The following BLK variants were observed in gnomAD, a reference collection of about 807,000 sequenced individuals.
The protein encoded by BLK is BLK proto-oncogene, Src family tyrosine kinase.
Under a neutral mutation model 61.8 loss-of-function variants are expected in BLK, and 64 were observed. The observed-to-expected ratio is 1.03, with a 90% CI of 0.85 to 1.27. The LOEUF is 1.27. BLK is among the 50% of genes most tolerant of loss of function. BLK has a pLI of 0.00. For missense variants in BLK, 853 were observed against 660.5 expected, an observed-to-expected ratio of 1.29 and a Z score of -3.19; for synonymous variants, 351 against 272.0, an observed-to-expected ratio of 1.29 and a Z score of -2.86.
chr8:11,561,915 T>C (rs1275487206), intron 11 of BLK, among the ~76,000 whole-genome samples: 1 of 151,152 alleles, frequency 6.6e-6, no homozygotes, highest in East Asian at 1.9e-4. Flanking sequence ...GCCTCCTGGG[T>C]TCAAGCAATT....
chr8:11,496,219 G>C (rs1798353341), intron 1 of BLK, among the ~76,000 whole-genome samples: 1 of 152,004 alleles, frequency 6.6e-6, no homozygotes, highest in Non-Finnish European at 1.5e-5. Context: ...AATGGGTTTT[G>C]TGGGGGTTGT....
At chr8:11,522,920 A>G (rs1422522888) in intron 1 of BLK, among the ~76,000 whole-genome samples, 2 of 152,230 alleles carry the variant, frequency 1.3e-5, no homozygotes, top group Non-Finnish European at 2.9e-5. Context: ...GGAGAGAAAG[A>G]GAGGAGAAAA....
intron 9 of BLK, 47 bp from the exon 10 acceptor site, chr8:11,557,915 G>C (rs529958932): frequency 6.3e-7 from 1 of 1,579,888 alleles, no homozygotes; most frequent in African/African-American, 1.3e-5. Flanking sequence ...GCACCACCAG[G>C]GGCGGGTCAC....
At chr8:11,548,750 C>T (rs1800763690) in intron 4 of BLK, among the ~76,000 whole-genome samples, 1 of 152,256 alleles carries the variant, frequency 6.6e-6, no homozygotes. Context: ...AAGCTCTGAA[C>T]ACGTCCCATT....
chr8:11,545,863 G>C (rs1463630815), intron 2 of BLK, 189 bp from the exon 3 acceptor site: 1 of 699,752 alleles, frequency 1.4e-6, no homozygotes. Context: ...CAGAGGGCGG[G>C]GGTCTGTCTG....
At position 11,547,631 on chromosome 8, in the gene BLK, A is replaced by G. The variant is rs571114549; in HGVS notation, c.176-401A>G. ...GGGATAGAGGCAGGCGGGGCAGAGG[A>G]GGAAAAGGATAAGAGGAGGCTTATG... On this transcript the variant is annotated intron_variant, in intron 3 of 12. Coordinates refer to ENST00000259089, the MANE Select transcript of BLK (RefSeq NM_001715.3). 3.3e-5 allele frequency among the ~76,000 whole-genome samples: 5 copies of G among 152,162 alleles called. No homozygotes were observed. In the South Asian group the frequency reaches 1.0e-3, roughly 31 times the overall value.
intron 10 of BLK, chr8:11,560,401 GGATGGATGCATGGATA>G (rs1801454452): frequency 1.4e-5 from 3 of 217,140 alleles, no homozygotes; most frequent in East Asian, 1.2e-4. Flanking sequence ...ATGCATGGAT[GGATGGATGCATGGATA>G]GATGGATGGA....
chr8:11,521,282 G>T (rs533290772), intron 1 of BLK, among the ~76,000 whole-genome samples: 42 of 152,200 alleles, frequency 2.8e-4, no homozygotes, highest in Non-Finnish European at 4.9e-4. Context: ...TTTCACCTTT[G>T]ATTTACAATT....
chr8:11,516,169 G>C (rs1040570702), intron 1 of BLK, among the ~76,000 whole-genome samples: 1 of 152,248 alleles, frequency 6.6e-6, no homozygotes, highest in Non-Finnish European at 1.5e-5. Context: ...ACACAAAGGA[G>C]AAACACTGCA....
At chr8:11,510,242 G>A (rs560733547) in intron 1 of BLK, among the ~76,000 whole-genome samples, 30 of 152,276 alleles carry the variant, frequency 2.0e-4, no homozygotes, top group African/African-American at 6.7e-4. Flanking sequence ...TTTAAATTGC[G>A]TTTAAAGTCA....
intron 1 of BLK, among the ~76,000 whole-genome samples, chr8:11,517,855 G>A (rs1276885076): frequency 1.3e-5 from 2 of 152,184 alleles, no homozygotes; most frequent in African/African-American, 2.4e-5. Context: ...CCTGAGTCAA[G>A]GGTCACCTTT....
intron 1 of BLK, among the ~76,000 whole-genome samples, chr8:11,500,403 C>G (rs1342094831): frequency 6.6e-6 from 1 of 151,622 alleles, no homozygotes; most frequent in Non-Finnish European, 1.5e-5. Context: ...ATCATGTTGG[C>G]CAGGCTGGTC....
intron 8 of BLK, chr8:11,555,921 T>A: frequency 3.1e-6 from 1 of 325,290 alleles, no homozygotes; most frequent in Non-Finnish European, 6.0e-6. Context: ...GCTCCAGGCC[T>A]GGTGTCCTCA....
chr8:11,552,736 C>A (rs990124064), intron 6 of BLK: 8 of 152,178 alleles, frequency 5.3e-5, no homozygotes, highest in African/African-American at 1.9e-4. Context: ...GCCTCCCCAC[C>A]CCCTGCCCAA....
At chr8:11,509,099 A>T (rs1344122811) in intron 1 of BLK, 2 of 152,038 alleles carry the variant, frequency 1.3e-5, no homozygotes, top group Non-Finnish European at 2.9e-5. Context: ...CATAACCCTT[A>T]ACCAGGTCAC....
rs1052399200 is a variant in BLK, at chr8:11,563,845, C to A, written c.1313-58C>A. Reference sequence around the variant, plus strand: ...CTGTGCCCCGCGGGACGCTCAGGGCCCCCCACCCACCGAGGACCCCAGCCC... The same window carrying A: ...CTGTGCCCCGCGGGACGCTCAGGGCACCCCACCCACCGAGGACCCCAGCCC... On this transcript the variant is annotated intron_variant, in intron 12 of 12. Coordinates refer to ENST00000259089, the MANE Select transcript of BLK (RefSeq NM_001715.3). 23 of 1,520,706 alleles carry A rather than the reference C, an allele frequency of 1.5e-5. No individual in the cohort carries two copies. In the African/African-American group the frequency reaches 2.8e-4, roughly 18 times the overall value. 94.2% of individuals were successfully genotyped at this position (1,520,706 alleles called of 1,614,324 possible).
chr8:11,532,554 T>C (rs186797570), intron 1 of BLK, among the ~76,000 whole-genome samples: 4 of 152,276 alleles, frequency 2.6e-5, no homozygotes, highest in Non-Finnish European at 4.4e-5. Flanking sequence ...TTTTAATCTC[T>C]AGGAGACCCA....
chr8:11,558,342 T>C (rs887667497), intron 10 of BLK: 16 of 422,256 alleles, frequency 3.8e-5, no homozygotes, highest in South Asian at 1.4e-4. Context: ...ATGAATGTCA[T>C]GGGAAACACA....
intron 3 of BLK, among the ~76,000 whole-genome samples, chr8:11,547,508 G>T (rs1800699683): frequency 6.6e-6 from 1 of 152,240 alleles, no homozygotes; most frequent in African/African-American, 2.4e-5. Flanking sequence ...GGGCCCGGCA[G>T]GGTCACTGGC....
Sources: gnomAD v4.1 joint callset for allele counts (sites outside exome capture counted in the v4.1 genomes callset) on GRCh38, gnomAD v4.1.1 for gene constraint, MANE v1.5 for transcripts, NCBI Gene and HGNC (gene_info 2026-07-23, HGNC 2026-07-21) for gene names.